The following AGMO variants were observed in gnomAD, a reference collection of about 807,000 sequenced individuals.
The protein encoded by AGMO is glyceryl-ether monooxygenase.
In AGMO, 75 loss-of-function variants were observed where a neutral mutation model predicts 60.2. The observed-to-expected ratio is 1.25, with a 90% CI of 1.03 to 1.51. The LOEUF (loss-of-function observed/expected upper bound fraction) is 1.51. Among genes scored for constraint, AGMO ranks in the 40% most tolerant of loss-of-function variants. The pLI is 0.00. For missense variants in AGMO, 763 were observed against 525.5 expected, an observed-to-expected ratio of 1.45 and a Z score of -4.42; for synonymous variants, 261 against 177.1, an observed-to-expected ratio of 1.47 and a Z score of -3.76.
At chr7:15,143,823 C>T in the AGMO span, among the ~76,000 whole-genome samples, 11 of 151,886 alleles carry the variant, frequency 7.2e-5, no homozygotes, top group African/African-American at 2.2e-4. Context: ...TTGAGAATAG[C>T]TTTGGTCATC....
intron 9 of AGMO, among the ~76,000 whole-genome samples, chr7:15,386,680 T>G (rs1410649642): frequency 2.0e-5 from 3 of 152,210 alleles, no homozygotes; most frequent in Non-Finnish European, 4.4e-5. Flanking sequence ...GGCTAACTTT[T>G]GTACACATAG....
intron 12 of AGMO, among the ~76,000 whole-genome samples, chr7:15,286,310 G>T (rs886568342): frequency 6.6e-6 from 1 of 152,002 alleles, no homozygotes; most frequent in African/African-American, 2.4e-5. Flanking sequence ...GAAAGTATTT[G>T]CAAACTATGC....
intron 3 of AGMO, among the ~76,000 whole-genome samples, chr7:15,478,501 T>A (rs1393490523): frequency 6.6e-6 from 1 of 152,148 alleles, no homozygotes; most frequent in East Asian, 1.9e-4. Context: ...GCTAATATAC[T>A]TTACAAAAAC....
intron 3 of AGMO, among the ~76,000 whole-genome samples, chr7:15,457,239 T>C (rs1782021337): frequency 6.6e-6 from 1 of 152,178 alleles, no homozygotes; most frequent in Non-Finnish European, 1.5e-5. Context: ...TCTAAAAGTC[T>C]ACTGTAATTC....
Position 15,387,483 on chromosome 7 carries a change from T to C in AGMO, c.880A>G (p.Lys294Glu), listed in dbSNP as rs1267400002. ...GGTCCCTTAAATATGACAGAAAACT[T>C]ATTGAAGAATCCAGGTGTGGCCCAG... is the stretch of plus-strand genomic sequence containing the variant. The part of the protein sequence containing the change: ...TFWATPGFFN[K>E]FSVIFKGPGW... The change falls in exon 9 of 13, where the codon AAG (lysine) becomes GAG (glutamate). Residue 294 changes from lysine to glutamate, a missense_variant. By Grantham distance (56) the Lys-to-Glu change is moderately conservative (BLOSUM62 1). Transcript: ENST00000342526. 1.2e-6 allele frequency: 2 copies of C among 1,613,878 alleles called. No individual in the cohort carries two copies. Among genetic ancestry groups the C allele is most frequent in the Non-Finnish European group, 1.7e-6 (2 of 1,179,950 alleles).
At chr7:15,456,265 G>A (rs1002166783) in intron 3 of AGMO, among the ~76,000 whole-genome samples, 7 of 151,974 alleles carry the variant, frequency 4.6e-5, no homozygotes, top group African/African-American at 1.7e-4. Context: ...ACTACTCTAA[G>A]ATGCTAGTAT....
At chr7:15,248,818 A>G (rs551041648) in intron 12 of AGMO, among the ~76,000 whole-genome samples, 2 of 152,336 alleles carry the variant, frequency 1.3e-5, no homozygotes, top group Admixed American at 6.5e-5. Flanking sequence ...CAGAGTCATT[A>G]AAGAGCTTAA....
intron 12 of AGMO, among the ~76,000 whole-genome samples, chr7:15,278,482 C>A (rs940483392): frequency 1.3e-5 from 2 of 151,982 alleles, no homozygotes; most frequent in Non-Finnish European, 2.9e-5. Flanking sequence ...CCCCAGAATT[C>A]AGGTGCTGGC....
intron 12 of AGMO, among the ~76,000 whole-genome samples, chr7:15,312,115 A>C (rs968107469): frequency 1.5e-4 from 23 of 152,080 alleles, no homozygotes; most frequent in African/African-American, 5.3e-4. Context: ...AACTTAAGAG[A>C]CATGGAAGAT....
the AGMO span, among the ~76,000 whole-genome samples, chr7:15,135,975 T>TTCTC: frequency 5.2e-5 from 4 of 76,494 alleles, no homozygotes; most frequent in East Asian, 2.4e-3. Flanking sequence ...ATATTTTTTC[T>TTCTC]TTTCTTTTTT....
chr7:15,330,821 T>C (rs1051804904), intron 12 of AGMO, among the ~76,000 whole-genome samples: 1 of 152,136 alleles, frequency 6.6e-6, no homozygotes, highest in Non-Finnish European at 1.5e-5. Context: ...TATTTTTTTT[T>C]AATCTGCCAA....
At chr7:15,436,896 G>C (rs1583551474) in intron 3 of AGMO, among the ~76,000 whole-genome samples, 1 of 152,214 alleles carries the variant, frequency 6.6e-6, no homozygotes, top group Middle Eastern at 3.4e-3. Flanking sequence ...GAAATTTCTT[G>C]AATTGTAGCA....
chr7:15,168,746 C>T, the AGMO span, among the ~76,000 whole-genome samples: 2 of 152,184 alleles, frequency 1.3e-5, no homozygotes, highest in African/African-American at 2.4e-5. Context: ...GGGGCCCACA[C>T]TCAATGCAGT....
intron 12 of AGMO, among the ~76,000 whole-genome samples, chr7:15,332,129 A>G (rs914371046): frequency 1.3e-5 from 2 of 152,168 alleles, no homozygotes; most frequent in South Asian, 4.1e-4. Flanking sequence ...CAGGAAGGCT[A>G]ACATTGGTCT....
At chr7:15,339,980 C>T (rs1781788790) in intron 12 of AGMO, among the ~76,000 whole-genome samples, 1 of 152,150 alleles carries the variant, frequency 6.6e-6, no homozygotes, top group African/African-American at 2.4e-5. Flanking sequence ...GTGACTGAGG[C>T]ATAGATGGAA....
intron 12 of AGMO, among the ~76,000 whole-genome samples, chr7:15,258,858 T>C (rs1474488055): frequency 1.3e-5 from 2 of 152,136 alleles, no homozygotes; most frequent in African/African-American, 4.8e-5. Flanking sequence ...AGGAAGCCTA[T>C]TCCTTAGGGG....
intron 12 of AGMO, among the ~76,000 whole-genome samples, chr7:15,246,312 G>C (rs1021264275): frequency 1.2e-4 from 18 of 152,002 alleles, no homozygotes; most frequent in South Asian, 8.3e-4. Flanking sequence ...GAATACATTT[G>C]TTCCTGTGAA....
chr7:15,170,030 C>T, the AGMO span, among the ~76,000 whole-genome samples: 1 of 152,134 alleles, frequency 6.6e-6, no homozygotes, highest in Non-Finnish European at 1.5e-5. Context: ...GTACAGTTAC[C>T]TGAGTTGACT....
chr7:15,374,715 C>A (rs1202913679), intron 10 of AGMO, among the ~76,000 whole-genome samples: 2 of 152,024 alleles, frequency 1.3e-5, no homozygotes, highest in Admixed American at 6.6e-5. Context: ...CAGTTTCCCA[C>A]CTTGAGAGTT....
Sources: gnomAD v4.1 joint callset for allele counts (sites outside exome capture counted in the v4.1 genomes callset) on GRCh38, gnomAD v4.1.1 for gene constraint, MANE v1.5 for transcripts, NCBI Gene and HGNC (gene_info 2026-07-23, HGNC 2026-07-21) for gene names.